The following LAMB4 variants were observed in gnomAD, a reference collection of about 807,000 sequenced individuals.
LAMB4 encodes the protein laminin subunit beta-4.
A neutral mutation model predicts 199.2 loss-of-function variants in LAMB4; 196 were observed. The observed-to-expected ratio is 0.98, with a 90% CI of 0.88 to 1.11. The LOEUF (loss-of-function observed/expected upper bound fraction) is 1.11. Among genes scored for constraint, LAMB4 ranks in the 50% least tolerant of loss-of-function variants. The pLI is 0.00. For missense variants in LAMB4, 2,080 were observed against 2,171.2 expected (o/e 0.96, Z 0.83); for synonymous variants, 744 against 770.6 (o/e 0.97, Z 0.57).
chr7:108,114,303 ACCAGTAGGTGGAGTAGCCTCC>A (rs1252975152), intron 3 of LAMB4, among the ~76,000 whole-genome samples: 2 of 152,058 alleles, frequency 1.3e-5, no homozygotes, highest in African/African-American at 2.4e-5. Flanking sequence ...TGCCTACTCC[ACCAGTAGGTGGAGTAGCCTCC>A]CCTACTTGGG....
At chr7:108,109,878 G>T (rs2038158100) in intron 4 of LAMB4, among the ~76,000 whole-genome samples, 1 of 152,088 alleles carries the variant, frequency 6.6e-6, no homozygotes, top group African/African-American at 2.4e-5. Flanking sequence ...CTCTAGAGCA[G>T]CACTGTCCAA....
In LAMB4 at chr7:108,106,495, A is replaced by G; in HGVS notation, c.655+14T>C. 1 of 1,467,802 alleles carries G rather than the reference A, an allele frequency of 6.8e-7. No individual in the cohort carries two copies. The highest frequency in any genetic ancestry group is 9.4e-7 in the Non-Finnish European group (1 of 1,066,146). 90.9% of individuals were successfully genotyped at this position (1,467,802 alleles called of 1,614,324 possible). A position where few individuals can be genotyped will look rare whatever the true frequency, so the allele number is the denominator to read the frequency against. On this transcript the variant is annotated intron_variant, in intron 7 of 33. Transcript: ENST00000388781. ...TTTTTAAAGCTGATATGAAAAATAT[A>G]AAGGAATTCATACCTTGGATGTAGG...
intron 18 of LAMB4, among the ~76,000 whole-genome samples, chr7:108,069,091 C>G (rs145835958): frequency 1.4e-4 from 22 of 152,316 alleles, no homozygotes; most frequent in Non-Finnish European, 2.9e-5. Context: ...GCCTAACATT[C>G]AGGAAGCCTC....
chr7:108,027,952 T>G (rs2034894980), intron 33 of LAMB4, among the ~76,000 whole-genome samples: 1 of 152,128 alleles, frequency 6.6e-6, no homozygotes, highest in Admixed American at 6.6e-5. Context: ...CTGGCTAATT[T>G]TTTTTATTTT....
At chr7:108,048,158 C>CTTTTT (rs747991620) in intron 27 of LAMB4, 47 bp from the exon 28 acceptor site, 120 of 463,266 alleles carry the variant, frequency 2.6e-4, no homozygotes, top group African/African-American at 1.6e-3. Flanking sequence ...GTTGTCAGAG[C>CTTTTT]TTTTTTTTTT....
At chr7:108,058,294 C>T (rs576911668) in intron 23 of LAMB4, among the ~76,000 whole-genome samples, 9 of 152,374 alleles carry the variant, frequency 5.9e-5, no homozygotes, top group Admixed American at 4.6e-4. Flanking sequence ...CCTGGTCTAA[C>T]ATTCATCAGT....
At chr7:108,066,313 G>T in intron 20 of LAMB4, 56 bp downstream of exon 20, 1 of 1,268,526 alleles carries the variant, frequency 7.9e-7, no homozygotes, top group Non-Finnish European at 1.1e-6. Flanking sequence ...TCTCTATTAG[G>T]AGATTGGAAC....
intron 17 of LAMB4, among the ~76,000 whole-genome samples, chr7:108,074,909 G>A (rs1394552336): frequency 1.3e-5 from 2 of 152,066 alleles, no homozygotes; most frequent in African/African-American, 4.8e-5. Context: ...GATAATCTTT[G>A]GAATTTACAA....
At chr7:108,080,601 C>A (rs2036893780) in intron 14 of LAMB4, among the ~76,000 whole-genome samples, 1 of 152,160 alleles carries the variant, frequency 6.6e-6, no homozygotes, top group Non-Finnish European at 1.5e-5. Context: ...CTGTGATCTA[C>A]CCCAAACTGC....
At chr7:108,031,331 C>CAAAAAAAAAAAAAAAAAAA (rs60572529) in intron 31 of LAMB4, among the ~76,000 whole-genome samples, 1 of 14,932 alleles carries the variant, frequency 6.7e-5, no homozygotes, top group Non-Finnish European at 1.2e-4. Context: ...TCAACAATAA[C>CAAAAAAAAAAAAAAAAAAA]AAAAAAAAAA....
intron 26 of LAMB4, among the ~76,000 whole-genome samples, chr7:108,051,120 C>T (rs1327651216): frequency 6.6e-6 from 1 of 152,086 alleles, no homozygotes; most frequent in African/African-American, 2.4e-5. Flanking sequence ...CGTGGGGTGA[C>T]CTCTGATGGA....
chr7:108,093,664 T>C (rs913718715), intron 12 of LAMB4, among the ~76,000 whole-genome samples: 16 of 152,160 alleles, frequency 1.1e-4, no homozygotes, highest in Non-Finnish European at 4.4e-5. Context: ...TTTCTAAGTG[T>C]TATAATATTT....
chr7:108,011,778 A>G, the LAMB4 span, among the ~76,000 whole-genome samples: 13 of 152,146 alleles, frequency 8.5e-5, no homozygotes, highest in Non-Finnish European at 1.8e-4. Context: ...ACTGCTGTAT[A>G]CTAATCATTG....
At chr7:108,094,106 C>T (rs992474386) in intron 12 of LAMB4, among the ~76,000 whole-genome samples, 9 of 152,192 alleles carry the variant, frequency 5.9e-5, no homozygotes, top group Non-Finnish European at 8.8e-5. Flanking sequence ...ACAGTTCCCC[C>T]ATGGGGGGGG....
chr7:108,088,971 T>A (rs1359352993), intron 14 of LAMB4, among the ~76,000 whole-genome samples: 1 of 152,226 alleles, frequency 6.6e-6, no homozygotes, highest in South Asian at 2.1e-4. Flanking sequence ...GAGGAACATC[T>A]GAACCTCTGG....
chr7:108,049,743 T>C (rs2035767789), intron 26 of LAMB4, among the ~76,000 whole-genome samples: 1 of 152,204 alleles, frequency 6.6e-6, no homozygotes, highest in Non-Finnish European at 1.5e-5. Flanking sequence ...GGCATTGAGA[T>C]TTAAGTCCAC....
intron 18 of LAMB4, among the ~76,000 whole-genome samples, chr7:108,068,587 T>C (rs1410837898): frequency 1.3e-5 from 2 of 152,308 alleles, no homozygotes; most frequent in African/African-American, 4.8e-5. Context: ...TAGCTCACTG[T>C]AGCCTTGAAT....
intron 3 of LAMB4, among the ~76,000 whole-genome samples, chr7:108,115,605 C>A (rs528647273): frequency 2.8e-4 from 42 of 152,212 alleles, no homozygotes; most frequent in Admixed American, 2.3e-3. Context: ...CAGAGTGAGA[C>A]CCCTGTCCCT....
In LAMB4 at chr7:108,043,831, C is replaced by T; in HGVS notation, c.4392G>A (p.Leu1464=). Residue 1464 remains leucine (L), a synonymous_variant, in exon 29 of 34, where the codon CTG becomes CTA. Transcript: ENST00000388781. ...KNNALQLREK[L]GNIRNQSDSE... ...AGTCACTTTGGTTTCTTATATTTCC[C>T]AGTTTTTCCCTCAGCTGTAAGGCAT... The T allele has an allele frequency of 6.2e-7, 1 of 1,609,044 alleles. No homozygotes were observed. The highest frequency in any genetic ancestry group is 8.5e-7 in the Non-Finnish European group (1 of 1,177,542).
Sources: gnomAD v4.1 joint callset for allele counts (sites outside exome capture counted in the v4.1 genomes callset) on GRCh38, gnomAD v4.1.1 for gene constraint, MANE v1.5 for transcripts, NCBI Gene and HGNC (gene_info 2026-07-23, HGNC 2026-07-21) for gene names.